The following PIWIL2 variants were observed in gnomAD, a reference collection of about 807,000 sequenced individuals.
PIWIL2 encodes piwi like RNA-mediated gene silencing 2, also known as piwi-like protein 2.
A neutral mutation model predicts 116.5 loss-of-function variants in PIWIL2; 81 were observed. That is an observed-to-expected ratio of 0.70 (90% CI 0.58 to 0.84). PIWIL2 has a LOEUF of 0.84. Ranked by LOEUF, PIWIL2 falls within the 40% of genes least tolerant of loss-of-function variation. PIWIL2 has a pLI of 0.00. For synonymous variants in PIWIL2, 489 were observed against 429.5 expected (o/e 1.14, Z -1.71); for missense variants, 1,272 against 1,212.3 (o/e 1.05, Z -0.73).
chr8:22,336,186 A>C (rs779092730), intron 20 of PIWIL2, among the ~76,000 whole-genome samples: 11 of 152,180 alleles, frequency 7.2e-5, no homozygotes, highest in African/African-American at 2.4e-4. Flanking sequence ...CCCAGCAACC[A>C]CATACACATT....
chr8:22,307,880 T>G (rs1831224751), intron 13 of PIWIL2, 53 bp from the exon 14 acceptor site: 3 of 1,444,172 alleles, frequency 2.1e-6, no homozygotes, highest in African/African-American at 2.8e-5. Flanking sequence ...TTTATTTAAC[T>G]TCATATTGGT....
chr8:22,331,344 T>TA (rs1272271103), intron 20 of PIWIL2, among the ~76,000 whole-genome samples: 1 of 151,574 alleles, frequency 6.6e-6, no homozygotes, highest in Non-Finnish European at 1.5e-5. Context: ...AAAAAGAAAT[T>TA]AAAATTTTTA....
intron 20 of PIWIL2, among the ~76,000 whole-genome samples, chr8:22,335,554 T>C (rs1168479906): frequency 6.7e-6 from 1 of 148,652 alleles, no homozygotes; most frequent in East Asian, 2.0e-4. Flanking sequence ...TTTTTTTTTT[T>C]TTTTTTTTTT....
In PIWIL2 at chr8:22,355,715, C is replaced by T. The variant is rs958262961; in HGVS notation, c.*210C>T. 2 of 564,606 alleles carry T rather than the reference C, an allele frequency of 3.5e-6. No individual in the cohort carries two copies. Among genetic ancestry groups the T allele is most frequent in the Non-Finnish European group, 6.3e-6 (2 of 318,322 alleles). 35.0% of individuals were successfully genotyped at this position (564,606 alleles called of 1,614,324 possible). A position where few individuals can be genotyped will look rare whatever the true frequency, so the allele number is the denominator to read the frequency against. The stretch of plus-strand genomic sequence containing the variant: ...TAACAGCTGAAAATGGCCTTGTTGC[C>T]TGTGTAGAGCAAGTTACGGTGGTAC... On this transcript the variant is annotated 3_prime_UTR_variant, in exon 23 of 23. Transcript: ENST00000356766.
intron 1 of PIWIL2, among the ~76,000 whole-genome samples, chr8:22,277,959 G>A (rs552266286): frequency 5.9e-5 from 9 of 152,022 alleles, no homozygotes; most frequent in Non-Finnish European, 1.0e-4. Flanking sequence ...GCCTGAGGTC[G>A]GGAGTTCGAG....
intron 10 of PIWIL2, among the ~76,000 whole-genome samples, 170 bp downstream of exon 10, chr8:22,290,516 G>A (rs1026334283): frequency 4.0e-5 from 6 of 151,878 alleles, no homozygotes; most frequent in African/African-American, 1.5e-4. Flanking sequence ...ATCATAGCTC[G>A]CTGTAACCCT....
chr8:22,305,018 G>T (rs1586559888), intron 12 of PIWIL2, 150 bp downstream of exon 12: 1 of 629,818 alleles, frequency 1.6e-6, no homozygotes, highest in East Asian at 2.8e-5. Flanking sequence ...GTCTCATCCA[G>T]CCAGAGGCAC....
At position 22,305,172 on chromosome 8, in the gene PIWIL2, C is replaced by T. The variant is rs868050310; in HGVS notation, c.1455+304C>T. The stretch of plus-strand genomic sequence containing the variant: ...ATCCATGAGGAAAGGTATAGATATT[C>T]ATTTATTTATTTATTTATTTATTTA... On this transcript the variant is annotated intron_variant, in intron 12 of 22. Coordinates refer to ENST00000356766, the MANE Select transcript of PIWIL2 (RefSeq NM_018068.5). 1.4e-3 allele frequency among the ~76,000 whole-genome samples: 201 copies of T among 143,940 alleles called. 3 individuals carry two copies. The highest frequency in any genetic ancestry group is 0.011 in the East Asian group (54 of 4,860). 94.4% of individuals were successfully genotyped at this position (143,940 alleles called of 152,430 possible).
chr8:22,318,057 G>T, intron 19 of PIWIL2, 113 bp from the exon 20 acceptor site: 1 of 628,726 alleles, frequency 1.6e-6, no homozygotes, highest in Non-Finnish European at 2.9e-6. Flanking sequence ...CTAGGTACTT[G>T]TTTTTGGATT....
intron 10 of PIWIL2, among the ~76,000 whole-genome samples, chr8:22,301,906 GTTA>G (rs200445055): frequency 0.01 from 1,544 of 152,190 alleles, 35 homozygotes; most frequent in African/African-American, 0.036. Context: ...ACCTTTGTCA[GTTA>G]TTATTTGATC....
At chr8:22,324,279 G>C (rs963421394) in intron 20 of PIWIL2, among the ~76,000 whole-genome samples, 4 of 152,046 alleles carry the variant, frequency 2.6e-5, no homozygotes, top group Non-Finnish European at 5.9e-5. Flanking sequence ...AGGAATATTG[G>C]ATTTTGCTCA....
chr8:22,304,651 G>C (rs1396363333), intron 11 of PIWIL2, 133 bp from the exon 12 acceptor site: 1 of 559,874 alleles, frequency 1.8e-6, no homozygotes, highest in African/African-American at 1.9e-5. Context: ...ATTATGATCG[G>C]TTTGCAGTGG....
chr8:22,276,626 T>G (rs1375864163), intron 1 of PIWIL2, among the ~76,000 whole-genome samples: 1 of 152,156 alleles, frequency 6.6e-6, no homozygotes, highest in Non-Finnish European at 1.5e-5. Context: ...GACAGCTTTT[T>G]GAAAGTTAAG....
chr8:22,292,573 C>T (rs547058972), intron 10 of PIWIL2, among the ~76,000 whole-genome samples: 1 of 152,318 alleles, frequency 6.6e-6, no homozygotes, highest in South Asian at 2.1e-4. Flanking sequence ...GTCTTTTTTG[C>T]TCACCCTGTA....
chr8:22,310,120 A>G (rs1308087190), intron 15 of PIWIL2, 46 bp downstream of exon 15: 1 of 1,003,490 alleles, frequency 1.0e-6, no homozygotes, highest in Non-Finnish European at 1.6e-6. Flanking sequence ...TATTCCCCAA[A>G]GTGTGGGAAT....
At chr8:22,319,907 C>G (rs1285644944) in intron 20 of PIWIL2, among the ~76,000 whole-genome samples, 4 of 152,206 alleles carry the variant, frequency 2.6e-5, no homozygotes, top group African/African-American at 9.6e-5. Flanking sequence ...ATTCCACCTT[C>G]TAATCCAAGG....
At chr8:22,315,286 T>A in intron 18 of PIWIL2, 141 bp downstream of exon 18, 1 of 591,312 alleles carries the variant, frequency 1.7e-6, no homozygotes, top group Non-Finnish European at 3.1e-6. Context: ...CAGCCCATTA[T>A]CTAAGAATGG....
chr8:22,323,011 G>A (rs936466949), intron 20 of PIWIL2, among the ~76,000 whole-genome samples: 13 of 150,932 alleles, frequency 8.6e-5, no homozygotes, highest in Admixed American at 7.3e-4. Context: ...CCGCCTCCCC[G>A]GTTCAAGCAC....
At chr8:22,284,521 A>G (rs929303596) in intron 6 of PIWIL2, among the ~76,000 whole-genome samples, 1 of 152,190 alleles carries the variant, frequency 6.6e-6, no homozygotes, top group African/African-American at 2.4e-5. Flanking sequence ...AGTTAATTTA[A>G]TGTGAAATTA....
Sources: gnomAD v4.1 joint callset for allele counts (sites outside exome capture counted in the v4.1 genomes callset) on GRCh38, gnomAD v4.1.1 for gene constraint, MANE v1.5 for transcripts, NCBI Gene and HGNC (gene_info 2026-07-23, HGNC 2026-07-21) for gene names.